Variants in VBP1 observed in about 807,000 individuals in gnomAD.
The protein encoded by VBP1 is prefoldin subunit 3.
Under a neutral mutation model 15.5 loss-of-function variants are expected in VBP1, and 4 were observed. That is an observed-to-expected ratio of 0.26 (90% confidence interval 0.13 to 0.59). The LOEUF (loss-of-function observed/expected upper bound fraction) is 0.59. VBP1 is among the 20% of genes least tolerant of loss of function. VBP1 has a pLI of 0.90. For missense variants in VBP1, 108 were observed against 139.6 expected, an observed-to-expected ratio of 0.77 and a Z score of 1.14; for synonymous variants, 61 against 52.1, an observed-to-expected ratio of 1.17 and a Z score of -0.74.
At chrX:155,233,878 G>T (rs189512652) in intron 4 of VBP1, among the ~76,000 whole-genome samples, 77 of 110,518 alleles carry the variant, frequency 7.0e-4, no homozygotes, top group Non-Finnish European at 1.4e-3. Flanking sequence ...TTTTCTATAT[G>T]TATATAATAT....
intron 1 of VBP1, among the ~76,000 whole-genome samples, chrX:155,203,594 A>G (rs1557307791): frequency 1.3e-5 from 1 of 76,206 alleles, no homozygotes; most frequent in South Asian, 9.1e-4. Context: ...GGAACCTCAC[A>G]CTCTGGGGAC....
intron 2 of VBP1, among the ~76,000 whole-genome samples, chrX:155,211,109 GAATTTTTTCCAAT>G (rs1410514068): frequency 8.9e-6 from 1 of 111,786 alleles, no homozygotes; most frequent in Non-Finnish European, 1.9e-5. Flanking sequence ...TCCAAATCCA[GAATTTTTTCCAAT>G]GTGTAGGCAA....
At chrX:155,238,714 G>A (rs2074785423) in intron 5 of VBP1, 58 bp from the exon 6 acceptor site, 8 of 957,866 alleles carry the variant, frequency 8.4e-6, no homozygotes, top group Non-Finnish European at 1.2e-5. Context: ...TGAATACTTA[G>A]TCATTGCATG....
intron 1 of VBP1, among the ~76,000 whole-genome samples, chrX:155,200,483 A>C (rs2074598491): frequency 9.0e-6 from 1 of 111,548 alleles, no homozygotes; most frequent in Non-Finnish European, 1.9e-5. Context: ...CTACATGGAA[A>C]CTGAACAACC....
In VBP1 at chrX:155,235,114, GTA is replaced by G. The variant is rs1208898035; in HGVS notation, c.385-1113_385-1112del. On this transcript the variant is annotated intron_variant, in intron 4 of 5. Transcript: ENST00000286428. Reference sequence around the variant, plus strand: ...GTCATTTCACCCAGTGTGTGTGTGTGTATGTGTGTGTGTGTGTGTGTGTGTGT... The same window carrying G: ...GTCATTTCACCCAGTGTGTGTGTGTGTGTGTGTGTGTGTGTGTGTGTGTGT... Among the ~76,000 whole-genome samples the G allele has an allele frequency of 4.0e-3, 429 of 106,331 alleles. 4 individuals carry two copies. The highest frequency in any genetic ancestry group is 0.014 in the African/African-American group (407 of 28,679). 92.3% of individuals were successfully genotyped at this position (106,331 alleles called of 115,157 possible).
At chrX:155,201,361 A>G (rs1448086296) in intron 1 of VBP1, among the ~76,000 whole-genome samples, 1 of 103,779 alleles carries the variant, frequency 9.6e-6, no homozygotes, top group African/African-American at 3.6e-5. Flanking sequence ...AAAATCCTCA[A>G]TAAAATACTG....
Position 155,227,305 on chromosome X carries a change from A to G in VBP1, c.285+4A>G. Reference sequence around the variant, plus strand: ...AAAATACATGCAGAAGAAAAAAGTAAGTGCATTTTTGTTTGTAAATATGAG... The same window carrying G: ...AAAATACATGCAGAAGAAAAAAGTAGGTGCATTTTTGTTTGTAAATATGAG... On this transcript the variant is annotated splice_donor_region_variant and intron_variant, in intron 3 of 5. Coordinates refer to ENST00000286428, the MANE Select transcript of VBP1 (RefSeq NM_003372.7). 1 of 1,160,376 alleles carries G rather than the reference A, an allele frequency of 8.6e-7. No homozygotes were observed. The highest frequency in any genetic ancestry group is 3.2e-5 in the East Asian group (1 of 31,267).
chrX:155,197,673 G>A (rs1254946080), intron 1 of VBP1, among the ~76,000 whole-genome samples: 4 of 112,040 alleles, frequency 3.6e-5, no homozygotes, highest in Non-Finnish European at 7.5e-5. Flanking sequence ...AGCTCTGAGC[G>A]TGAGTGACGC....
chrX:155,222,845 G>T (rs1399932774), intron 2 of VBP1, among the ~76,000 whole-genome samples: 1 of 111,192 alleles, frequency 9.0e-6, no homozygotes, highest in African/African-American at 3.3e-5. Flanking sequence ...TTTAATAGTG[G>T]GTTGGTCATT....
rs781965544 is a variant in VBP1 at position 155,197,681 on chromosome X, C to T, written c.-31+542C>T. ...AGTCTACAGCTCTGAGCGTGAGTGA[C>T]GCAGAAGACGGGTGATTTCTGCATT... On this transcript the variant is annotated intron_variant, in intron 1 of 6. Transcript: ENST00000535916. Among the ~76,000 whole-genome samples the T allele has an allele frequency of 6.1e-4, 68 of 111,849 alleles. 2 individuals are homozygous for T. Among genetic ancestry groups the T allele is most frequent in the East Asian group, 3.6e-3 (13 of 3,562 alleles).
At chrX:155,197,059 T>G (rs1289149549) in exon 1 of VBP1, 1 of 112,177 alleles carries the variant, frequency 8.9e-6, no homozygotes, top group Non-Finnish European at 1.9e-5. Context: ...ATTTTTCACA[T>G]TATTGTATAC....
intron 1 of VBP1, among the ~76,000 whole-genome samples, chrX:155,204,290 T>C (rs782575016): frequency 9.0e-6 from 1 of 110,827 alleles, no homozygotes; most frequent in South Asian, 3.9e-4. Flanking sequence ...GTAGCTGGGG[T>C]TACAGGCGTT....
At chrX:155,209,632 G>C (rs2074637849) in intron 2 of VBP1, among the ~76,000 whole-genome samples, 1 of 111,740 alleles carries the variant, frequency 8.9e-6, no homozygotes, top group African/African-American at 3.3e-5. Context: ...GTGTATGGGA[G>C]AGTGTCATGA....
At chrX:155,233,285 G>A (rs2074755654) in intron 4 of VBP1, among the ~76,000 whole-genome samples, 2 of 111,653 alleles carry the variant, frequency 1.8e-5, no homozygotes, top group Non-Finnish European at 3.8e-5. Flanking sequence ...CCGGTTCTCT[G>A]TGGTTGAGGT....
chrX:155,211,405 T>C (rs1212541559), intron 2 of VBP1, among the ~76,000 whole-genome samples: 1 of 112,223 alleles, frequency 8.9e-6, no homozygotes, highest in Non-Finnish European at 1.9e-5. Context: ...TTGATCAACT[T>C]GATCAATAAA....
chrX:155,231,723 T>A (rs1479513700), intron 4 of VBP1, among the ~76,000 whole-genome samples: 1 of 112,357 alleles, frequency 8.9e-6, no homozygotes, highest in Non-Finnish European at 1.9e-5. Context: ...ATGGGATATA[T>A]ATTGTATATT....
chrX:155,218,845 A>G (rs1569560906), intron 1 of VBP1, among the ~76,000 whole-genome samples: 1 of 112,189 alleles, frequency 8.9e-6, no homozygotes, highest in Admixed American at 9.4e-5. Flanking sequence ...CAACTCATCT[A>G]ATGAGTGGCG....
At chrX:155,211,504 A>G (rs1258652730), upstream of VBP1, among the ~76,000 whole-genome samples, 3 of 112,480 alleles carry the variant, frequency 2.7e-5, no homozygotes, top group Admixed American at 9.4e-5. Flanking sequence ...ATAGGCTGAT[A>G]GAGGCACTCG....
Position 155,227,358 on chromosome X carries a change from G to A in VBP1, c.285+57G>A, listed in dbSNP as rs370568591. On this transcript the variant is annotated intron_variant, in intron 3 of 5. Transcript: ENST00000286428. ...AGCTAGGATATGTCAGCAGAAACTCGTCTTCTTTGACTCTTTGGTCACTGA... is the reference window on the plus strand; with the variant it reads ...AGCTAGGATATGTCAGCAGAAACTCATCTTCTTTGACTCTTTGGTCACTGA... 135 of 905,751 alleles carry A rather than the reference G, an allele frequency of 1.5e-4. 1 individual carries two copies. In the African/African-American group the frequency reaches 2.5e-3, roughly 17 times the overall value. 74.6% of individuals were successfully genotyped at this position (905,751 alleles called of 1,213,427 possible).
Sources: gnomAD v4.1 joint callset for allele counts (sites outside exome capture counted in the v4.1 genomes callset) on GRCh38, gnomAD v4.1.1 for gene constraint, MANE v1.5 for transcripts, NCBI Gene and HGNC (gene_info 2026-07-23, HGNC 2026-07-21) for gene names.